NCK2: variants seen among roughly 807,000 people sequenced by gnomAD.
NCK2 encodes the protein cytoplasmic protein NCK2.
In NCK2, 16 loss-of-function variants were observed where a neutral mutation model predicts 33.9. That is an observed-to-expected ratio of 0.47 (90% CI 0.32 to 0.72). NCK2 has a LOEUF of 0.72. Ranked by LOEUF, NCK2 falls within the 30% of genes least tolerant of loss-of-function variation. The pLI, the probability that NCK2 is intolerant of heterozygous loss-of-function variation, is 0.03. For missense variants in NCK2, 418 were observed against 537.3 expected (o/e 0.78, Z 2.19); for synonymous variants, 273 against 239.9 (o/e 1.14, Z -1.27).
At chr2:105,794,806 G>C (rs1033725974) in intron 1 of NCK2, among the ~76,000 whole-genome samples, 1 of 152,114 alleles carries the variant, frequency 6.6e-6, no homozygotes. Flanking sequence ...CATCTCCTGG[G>C]TTCAAGCGAT....
At chr2:105,820,239 C>A (rs1675673731) in intron 2 of NCK2, among the ~76,000 whole-genome samples, 1 of 152,218 alleles carries the variant, frequency 6.6e-6, no homozygotes, top group Non-Finnish European at 1.5e-5. Context: ...GGCTTGGGGA[C>A]CAGGCATTTG....
chr2:105,827,936 A>G (rs1676015971), intron 2 of NCK2, among the ~76,000 whole-genome samples: 1 of 152,130 alleles, frequency 6.6e-6, no homozygotes, highest in Non-Finnish European at 1.5e-5. Context: ...ACAGAACCAT[A>G]TATACTCATT....
At chr2:105,813,567 G>A (rs1675368344) in intron 1 of NCK2, among the ~76,000 whole-genome samples, 1 of 152,228 alleles carries the variant, frequency 6.6e-6, no homozygotes, top group Admixed American at 6.5e-5. Context: ...AGAAGACACT[G>A]CGCCAGCACC....
At chr2:105,823,209 CTG>C (rs1220154607) in intron 2 of NCK2, among the ~76,000 whole-genome samples, 1 of 150,676 alleles carries the variant, frequency 6.6e-6, no homozygotes, top group Non-Finnish European at 1.5e-5. Context: ...TTTTAGTAAA[CTG>C]GACCTTGAAC....
chr2:105,791,888 T>C (rs1690895691), intron 1 of NCK2, among the ~76,000 whole-genome samples: 1 of 152,236 alleles, frequency 6.6e-6, no homozygotes, highest in Non-Finnish European at 1.5e-5. Flanking sequence ...CTGATTTTTC[T>C]TTTTGGGAGG....
intron 1 of NCK2, among the ~76,000 whole-genome samples, chr2:105,807,874 C>T (rs1402968429): frequency 7.4e-6 from 1 of 135,784 alleles, no homozygotes; most frequent in Non-Finnish European, 1.6e-5. Flanking sequence ...CTCTATCTCT[C>T]CCTCCCTCCC....
chr2:105,882,083 G>A (rs1177907997), intron 4 of NCK2, 34 bp downstream of exon 4: 1 of 1,478,566 alleles, frequency 6.8e-7, no homozygotes, highest in East Asian at 2.4e-5. Context: ...CCGGCTGCAG[G>A]CAGTAAATGC....
At chr2:105,822,191 G>C (rs1352902845) in intron 2 of NCK2, among the ~76,000 whole-genome samples, 2 of 151,902 alleles carry the variant, frequency 1.3e-5, no homozygotes, top group South Asian at 2.1e-4. Context: ...CTTTGGAAAC[G>C]TAAGGGTGTG....
At chr2:105,770,383 T>C (rs909693073) in intron 1 of NCK2, among the ~76,000 whole-genome samples, 2 of 152,238 alleles carry the variant, frequency 1.3e-5, no homozygotes, top group Non-Finnish European at 2.9e-5. Context: ...GATGTTTGCA[T>C]CTGGCTTTGA....
chr2:105,794,129 A>T (rs554585803), intron 1 of NCK2, among the ~76,000 whole-genome samples: 1 of 148,924 alleles, frequency 6.7e-6, no homozygotes, highest in East Asian at 2.0e-4. Context: ...GCTCACTGCA[A>T]CCTCCACCTG....
chr2:105,830,754 T>C (rs1447408655), intron 2 of NCK2, among the ~76,000 whole-genome samples: 1 of 150,304 alleles, frequency 6.7e-6, no homozygotes, highest in Non-Finnish European at 1.5e-5. Flanking sequence ...GATGATACCT[T>C]ATTGTGGCTT....
intron 1 of NCK2, among the ~76,000 whole-genome samples, chr2:105,777,628 A>G (rs975402441): frequency 6.6e-6 from 1 of 152,228 alleles, no homozygotes; most frequent in African/African-American, 2.4e-5. Context: ...AAATGACTTC[A>G]GTTGCAGCTG....
rs188113326 is a variant in NCK2, at chr2:105,810,227, G to A, written c.-200-6203G>A. Among the ~76,000 whole-genome samples, 5 of 152,256 alleles carry A rather than the reference G, an allele frequency of 3.3e-5. No individual in the cohort carries two copies. In the East Asian group the frequency reaches 9.6e-4, roughly 29 times the overall value. On this transcript the variant is annotated intron_variant, in intron 1 of 4. Coordinates refer to ENST00000233154, the MANE Select transcript of NCK2 (RefSeq NM_003581.5). Reference sequence around the variant, plus strand: ...ATAGAAATTAACCCTTCTCACCCCCGATTCTACTCCCTAAAAGTGTTAATA... The same window carrying A: ...ATAGAAATTAACCCTTCTCACCCCCAATTCTACTCCCTAAAAGTGTTAATA...
chr2:105,759,135 A>G (rs1026969091), intron 1 of NCK2, among the ~76,000 whole-genome samples: 5 of 152,236 alleles, frequency 3.3e-5, no homozygotes, highest in African/African-American at 7.2e-5. Flanking sequence ...AGGTTGATCG[A>G]ATACCTAGAT....
intron 1 of NCK2, among the ~76,000 whole-genome samples, chr2:105,798,627 C>G (rs1228550536): frequency 2.6e-5 from 4 of 152,074 alleles, no homozygotes; most frequent in Non-Finnish European, 4.4e-5. Flanking sequence ...GTATGCATTA[C>G]TTTGATGGGG....
rs528767637 is a variant in NCK2, at chr2:105,876,688, A to C, written c.227-4640A>C. Reference sequence around the variant, plus strand: ...AGAATCATGTTACCCTGTTAAACACACATTGGACTTCAAATTGTGCTTCTG... The same window carrying C: ...AGAATCATGTTACCCTGTTAAACACCCATTGGACTTCAAATTGTGCTTCTG... On this transcript the variant is annotated intron_variant, in intron 3 of 4. Transcript: ENST00000233154. Among the ~76,000 whole-genome samples the C allele has an allele frequency of 2.6e-5, 4 of 152,358 alleles. No homozygotes were observed. In the East Asian group the frequency reaches 7.7e-4, roughly 29 times the overall value.
At chr2:105,844,381 A>C (rs1676768398) in intron 2 of NCK2, among the ~76,000 whole-genome samples, 2 of 152,160 alleles carry the variant, frequency 1.3e-5, no homozygotes, top group South Asian at 2.1e-4. Context: ...TAACATGCTT[A>C]TCATACTAAT....
chr2:105,856,051 A>G (rs977319330), intron 3 of NCK2, among the ~76,000 whole-genome samples: 6 of 151,996 alleles, frequency 3.9e-5, no homozygotes, highest in Admixed American at 1.3e-4. Context: ...AGCCAGGATG[A>G]TCTCGATCTC....
intron 1 of NCK2, among the ~76,000 whole-genome samples, chr2:105,776,531 C>A (rs1446242206): frequency 6.6e-6 from 1 of 152,122 alleles, no homozygotes; most frequent in Non-Finnish European, 1.5e-5. Context: ...CTCCTGCATG[C>A]TGCCAGCCTT....
Sources: allele counts gnomAD v4.1 joint callset (sites outside exome capture counted in the v4.1 genomes callset), GRCh38; gene constraint gnomAD v4.1.1; transcripts MANE v1.5; gene names NCBI Gene and HGNC (gene_info 2026-07-23, HGNC 2026-07-21).